Variants in ATP10D observed in about 807,000 individuals in gnomAD.
ATP10D encodes the protein ATPase phospholipid transporting 10D (putative).
ATP10D carries 89 observed loss-of-function variants against 144.8 expected under a neutral mutation model. That is an observed-to-expected ratio of 0.61 (90% CI 0.52 to 0.73). ATP10D has a LOEUF of 0.73. Ranked by LOEUF, ATP10D falls within the 30% of genes least tolerant of loss-of-function variation. The pLI, the probability that ATP10D is intolerant of heterozygous loss-of-function variation, is 0.00. For missense variants in ATP10D, 1,603 were observed against 1,714.8 expected, an observed-to-expected ratio of 0.93 and a Z score of 1.15; for synonymous variants, 571 against 615.1, an observed-to-expected ratio of 0.93 and a Z score of 1.06.
chr4:47,576,625 A>C (rs1277154369), intron 18 of ATP10D, 148 bp from the exon 19 acceptor site: 14 of 719,582 alleles, frequency 1.9e-5, no homozygotes, highest in Non-Finnish European at 3.2e-5. Context: ...TACCAAAAAA[A>C]GCTGCAAGGT....
At chr4:47,530,536 A>G (rs1338377938) in intron 5 of ATP10D, among the ~76,000 whole-genome samples, 1 of 152,112 alleles carries the variant, frequency 6.6e-6, no homozygotes, top group East Asian at 1.9e-4. Context: ...AGTTCACTGC[A>G]ACCTCCACCT....
rs374443835 is a variant in ATP10D, at chr4:47,557,969, G to A, written c.2130G>A (p.Glu710=). 5.0e-6 allele frequency: 8 copies of A among 1,614,090 alleles called. No individual in the cohort carries two copies. The highest frequency in any genetic ancestry group is 4.0e-5 in the African/African-American group (3 of 74,946). The change falls in exon 12 of 23, where the codon GAG becomes GAA. Residue 710 remains glutamate, a synonymous_variant. Transcript: ENST00000273859. ...GDAGLLNGKA[E]SLPGQPLACN... ...CAGGCCTCCTGAATGGCAAGGCAGAGTCCCTCCCTGGACAGCCATTGGCCT... is the reference window on the plus strand; with the variant it reads ...CAGGCCTCCTGAATGGCAAGGCAGAATCCCTCCCTGGACAGCCATTGGCCT...
At chr4:47,579,144 G>C (rs1488694160) in intron 19 of ATP10D, among the ~76,000 whole-genome samples, 6 of 152,196 alleles carry the variant, frequency 3.9e-5, no homozygotes, top group Admixed American at 2.6e-4. Context: ...CACAGCCTCA[G>C]AATCCAACTT....
chr4:47,511,831 G>A (rs531618124), intron 1 of ATP10D, among the ~76,000 whole-genome samples: 4 of 152,136 alleles, frequency 2.6e-5, no homozygotes, highest in Non-Finnish European at 4.4e-5. Context: ...TGGTAAATGG[G>A]GCAACTGAGG....
At chr4:47,518,467 A>G (rs11728295) in intron 3 of ATP10D, among the ~76,000 whole-genome samples, 42,045 of 152,090 alleles carry the variant, frequency 0.28, 6,375 homozygotes, top group Admixed American at 0.35. Flanking sequence ...AAATAAGACT[A>G]TTAATCATTC....
intron 10 of ATP10D, chr4:47,547,221 A>G (rs772040849): frequency 7.0e-5 from 17 of 241,276 alleles, no homozygotes; most frequent in Non-Finnish European, 1.3e-4. Context: ...GTAGTCAGAT[A>G]AGCAAGTGTA....
At chr4:47,554,598 T>C (rs1718883676) in intron 10 of ATP10D, 128 bp from the exon 11 acceptor site, 1 of 706,976 alleles carries the variant, frequency 1.4e-6, no homozygotes, top group Admixed American at 3.2e-5. Flanking sequence ...ACAATTGTTT[T>C]TAGAAAAATA....
intron 9 of ATP10D, among the ~76,000 whole-genome samples, chr4:47,542,546 T>C (rs778594537): frequency 2.6e-5 from 4 of 152,202 alleles, no homozygotes; most frequent in Non-Finnish European, 5.9e-5. Context: ...GGTGCGATCT[T>C]GGCTCACTGC....
rs938926518 is a variant in ATP10D at position 47,591,636 on chromosome 4, A to G, written c.*255A>G. 1.1e-5 allele frequency: 3 copies of G among 283,044 alleles called. No individual in the cohort carries two copies. The highest frequency in any genetic ancestry group is 2.2e-5 in the African/African-American group (1 of 45,848). 17.5% of individuals were successfully genotyped at this position (283,044 alleles called of 1,614,324 possible). The stretch of plus-strand genomic sequence containing the variant: ...CAAATGCTTTTGTAAAACTTTTTGG[A>G]TTTTGTAAAAGCATTTTCATTCTCT... On this transcript the variant is annotated 3_prime_UTR_variant, in exon 23 of 23. Coordinates refer to ENST00000273859, the MANE Select transcript of ATP10D (RefSeq NM_020453.4).
intron 19 of ATP10D, among the ~76,000 whole-genome samples, chr4:47,578,754 A>C (rs1320520629): frequency 6.6e-6 from 1 of 152,196 alleles, no homozygotes; most frequent in African/African-American, 2.4e-5. Context: ...AATATCCTTC[A>C]TATCCAATGA....
intron 15 of ATP10D, among the ~76,000 whole-genome samples, chr4:47,564,792 T>C (rs530632604): frequency 4.6e-5 from 7 of 152,284 alleles, no homozygotes; most frequent in African/African-American, 1.7e-4. Flanking sequence ...CATTGTTTAT[T>C]TTTCTTGAAA....
At chr4:47,566,868 T>G (rs912463250) in intron 15 of ATP10D, among the ~76,000 whole-genome samples, 2 of 152,226 alleles carry the variant, frequency 1.3e-5, no homozygotes, top group Non-Finnish European at 2.9e-5. Context: ...GCCAACAGAC[T>G]GTAACTTATA....
At chr4:47,580,268 T>G in intron 19 of ATP10D, 130 bp from the exon 20 acceptor site, 1 of 757,908 alleles carries the variant, frequency 1.3e-6, no homozygotes, top group Non-Finnish European at 2.3e-6. Flanking sequence ...TCTTTACCTC[T>G]GTTGACAAAT....
chr4:47,499,971 A>G (rs1178572149), intron 1 of ATP10D, among the ~76,000 whole-genome samples: 1 of 152,360 alleles, frequency 6.6e-6, no homozygotes, highest in Non-Finnish European at 1.5e-5. Flanking sequence ...AGCATGCATA[A>G]TAAGAGCTGT....
chr4:47,515,119 C>A (rs964646046), intron 2 of ATP10D, among the ~76,000 whole-genome samples: 2 of 152,000 alleles, frequency 1.3e-5, no homozygotes, highest in Non-Finnish European at 2.9e-5. Flanking sequence ...GGCCACTACA[C>A]CCAGCTAATT....
intron 18 of ATP10D, among the ~76,000 whole-genome samples, chr4:47,574,993 C>A (rs990109516): frequency 6.6e-6 from 1 of 151,684 alleles, no homozygotes; most frequent in South Asian, 2.1e-4. Flanking sequence ...GTTTTTTTTG[C>A]GGGGGGAGAG....
intron 4 of ATP10D, among the ~76,000 whole-genome samples, chr4:47,524,252 T>C (rs1240160280): frequency 6.6e-6 from 1 of 152,098 alleles, no homozygotes; most frequent in African/African-American, 2.4e-5. Flanking sequence ...CAAACTACTG[T>C]TAAGTCAGGG....
At chr4:47,500,844 A>C (rs116488153) in intron 1 of ATP10D, among the ~76,000 whole-genome samples, 4,205 of 152,304 alleles carry the variant, frequency 0.028, 201 homozygotes, top group African/African-American at 0.096. Flanking sequence ...GAGATATTGG[A>C]TGTAAAGAGG....
chr4:47,570,080 G>T (rs1390684837), intron 16 of ATP10D, among the ~76,000 whole-genome samples: 1 of 152,144 alleles, frequency 6.6e-6, no homozygotes, highest in East Asian at 1.9e-4. Context: ...AATTTAAAAT[G>T]ATCATGTTGG....
Sources: allele counts gnomAD v4.1 joint callset (sites outside exome capture counted in the v4.1 genomes callset), GRCh38; gene constraint gnomAD v4.1.1; transcripts MANE v1.5; gene names NCBI Gene and HGNC (gene_info 2026-07-23, HGNC 2026-07-21).